The following IFNAR1 variants were observed in gnomAD, a reference collection of about 807,000 sequenced individuals.
IFNAR1 encodes interferon alpha/beta receptor 1.
IFNAR1 carries 47 observed loss-of-function variants against 62.1 expected under a neutral mutation model. The observed-to-expected ratio is 0.76, with a 90% CI of 0.60 to 0.97. IFNAR1 has a LOEUF of 0.97. IFNAR1 is among the 50% of genes least tolerant of loss of function. The pLI, the probability that IFNAR1 is intolerant of heterozygous loss-of-function variation, is 0.00. For missense variants in IFNAR1, 638 were observed against 654.5 expected (o/e 0.97, Z 0.27); for synonymous variants, 219 against 226.9 (o/e 0.97, Z 0.31).
At chr21:33,354,728 G>A (rs1354481671) in intron 10 of IFNAR1, among the ~76,000 whole-genome samples, 1 of 152,098 alleles carries the variant, frequency 6.6e-6, no homozygotes, top group African/African-American at 2.4e-5. Context: ...AGGTAAGCAA[G>A]TACCCTTGGC....
At chr21:33,324,768 C>A (rs569978722), upstream of IFNAR1, 152 of 495,786 alleles carry the variant, frequency 3.1e-4, no homozygotes, top group South Asian at 4.0e-3. Flanking sequence ...AGGAGGCCTG[C>A]GATTTCTAAG....
In IFNAR1 at chr21:33,349,099, T is replaced by A; in HGVS notation, c.797T>A (p.Leu266Ter). The A allele has an allele frequency of 3.8e-6, 6 of 1,584,726 alleles. No homozygotes were observed. Among genetic ancestry groups the A allele is most frequent in the Non-Finnish European group, 5.1e-6 (6 of 1,167,208 alleles). The change falls in exon 7 of 11, where the codon TTA becomes TAA. Residue 266 changes from leucine to a stop codon, truncating the protein, a stop_gained. Coordinates refer to ENST00000270139, the MANE Select transcript of IFNAR1 (RefSeq NM_000629.3). LOFTEE classifies it high-confidence loss of function. ...TFQVQWLHAF[L>*]KRNPGNHLYK... ...AATATTTGTCTTAAAAGCGCCTTTT[T>A]AAAAAGGAATCCTGGAAACCATTTG...
Position 33,324,991 on chromosome 21 carries a change from A to G in IFNAR1, c.-65A>G. 2.8e-6 allele frequency: 4 copies of G among 1,448,338 alleles called. No individual in the cohort carries two copies. In the East Asian group the frequency reaches 9.9e-5, roughly 36 times the overall value. The allele number at this position is 1,448,338 out of a possible 1,614,324, so 89.7% of individuals were successfully genotyped here. The stretch of plus-strand genomic sequence containing the variant: ...GGGCGGTGTGACTTAGGACGGGGCG[A>G]TGGCGGCTGAGAGGAGCTGCGCGTG... On this transcript the variant is annotated 5_prime_UTR_variant, in exon 1 of 11. The change abolishes an upstream ATG in the 5' untranslated region. Coordinates refer to ENST00000270139, the MANE Select transcript of IFNAR1 (RefSeq NM_000629.3).
intron 2 of IFNAR1, among the ~76,000 whole-genome samples, chr21:33,335,863 A>G (rs2083228928): frequency 6.6e-6 from 1 of 151,726 alleles, no homozygotes; most frequent in African/African-American, 2.4e-5. Context: ...AGGGTGGTAG[A>G]CAGCGTCTCT....
intron 1 of IFNAR1, chr21:33,335,138 CTCTATCTA>C (rs1038612015): frequency 9.3e-5 from 60 of 647,258 alleles, no homozygotes; most frequent in Non-Finnish European, 1.6e-4. Context: ...CAAGAAGCAT[CTCTATCTA>C]TCTATGAACA....
rs1453366530 is a variant in IFNAR1 at position 33,345,233 on chromosome 21, C to A, written c.674-13C>A. The A allele has an allele frequency of 7.8e-6, 10 of 1,288,046 alleles. No individual in the cohort carries two copies. Among genetic ancestry groups the A allele is most frequent in the Non-Finnish European group, 1.0e-5 (9 of 889,582 alleles). 79.8% of individuals were successfully genotyped at this position (1,288,046 alleles called of 1,614,324 possible). On this transcript the variant is annotated splice_polypyrimidine_tract_variant and intron_variant, in intron 5 of 10. Transcript: ENST00000270139. ...AAATGTGTGCTTTTTTTTATCTGTT[C>A]TTTGGCTTCTAGTTGAAAATGAACT...
rs1461106864 is a variant in IFNAR1 at position 33,335,779 on chromosome 21, A to C, written c.200+132A>C. 8 of 727,604 alleles carry C rather than the reference A, an allele frequency of 1.1e-5. No homozygotes were observed. In the East Asian group the frequency reaches 2.5e-4, roughly 23 times the overall value. 45.1% of individuals were successfully genotyped at this position (727,604 alleles called of 1,614,324 possible). A position where few individuals can be genotyped will look rare whatever the true frequency, so the allele number is the denominator to read the frequency against. On this transcript the variant is annotated intron_variant, in intron 2 of 10. Coordinates refer to ENST00000270139, the MANE Select transcript of IFNAR1 (RefSeq NM_000629.3). ...TAGAAATGTTACGCCTATTTTACATAATATTTTTAACTTTGTTTCTGTAGA... is the reference window on the plus strand; with the variant it reads ...TAGAAATGTTACGCCTATTTTACATCATATTTTTAACTTTGTTTCTGTAGA...
chr21:33,326,675 A>G (rs1212599712), intron 1 of IFNAR1, among the ~76,000 whole-genome samples: 1 of 152,170 alleles, frequency 6.6e-6, no homozygotes, highest in Non-Finnish European at 1.5e-5. Flanking sequence ...GATTTGGCTG[A>G]AGCATAATGC....
intron 1 of IFNAR1, among the ~76,000 whole-genome samples, chr21:33,333,768 C>T (rs1011251489): frequency 7.2e-4 from 110 of 151,794 alleles, no homozygotes; most frequent in African/African-American, 2.6e-3. Flanking sequence ...GGACTACAGG[C>T]GCCCGCTACC....
chr21:33,344,161 GA>G (rs576952200), intron 5 of IFNAR1, among the ~76,000 whole-genome samples: 35,283 of 146,272 alleles, frequency 0.24, 4,360 homozygotes, highest in Non-Finnish European at 0.27. Flanking sequence ...CTCCGTCTTA[GA>G]AAAAAAAAAA....
chr21:33,324,806 A>G, upstream of IFNAR1: 1 of 529,106 alleles, frequency 1.9e-6, no homozygotes, highest in Non-Finnish European at 3.4e-6. Context: ...TGCTGCAATT[A>G]GGATGGGGCA....
chr21:33,355,495 T>C lies in IFNAR1; in HGVS notation c.1620T>C (p.Asn540=). ...GCCAAGATTCAGGAAATTATTCTAA[T>C]GAAGATGAAAGCGAAAGTAAAACAA... The part of the protein sequence containing the change: ...QTSQDSGNYS[N]EDESESKTSE... Residue 540 remains asparagine, a synonymous_variant, in exon 11 of 11, where the codon AAT becomes AAC. Coordinates refer to ENST00000270139, the MANE Select transcript of IFNAR1 (RefSeq NM_000629.3). 1 of 1,605,494 alleles carries C rather than the reference T, an allele frequency of 6.2e-7. No individual in the cohort carries two copies. The highest frequency in any genetic ancestry group is 1.1e-5 in the South Asian group (1 of 88,938).
intron 1 of IFNAR1, chr21:33,334,926 G>T (rs887275653): frequency 2.0e-5 from 32 of 1,574,072 alleles, no homozygotes; most frequent in African/African-American, 5.4e-5. Flanking sequence ...TGGGAGATGG[G>T]GCAGGGGGTA....
intron 1 of IFNAR1, among the ~76,000 whole-genome samples, chr21:33,325,758 G>C (rs993480347): frequency 1.3e-5 from 2 of 152,176 alleles, no homozygotes; most frequent in Admixed American, 1.3e-4. Context: ...TGAGAATTTA[G>C]TTAGTGCCCA....
In IFNAR1 at chr21:33,356,873, A is replaced by G. The variant is rs1229106627; in HGVS notation, c.*1324A>G. 2.6e-5 allele frequency: 4 copies of G among 152,128 alleles called. No individual in the cohort carries two copies. Among genetic ancestry groups the G allele is most frequent in the Non-Finnish European group, 4.4e-5 (3 of 68,012 alleles). The allele number at this position is 152,128 out of a possible 1,614,324, so 9.4% of individuals were successfully genotyped here. On this transcript the variant is annotated 3_prime_UTR_variant, in exon 11 of 11. Transcript: ENST00000270139. ...GCACCTAATCAGCTCTCAGTGATCA[A>G]CCCACTCTTGTTATGGGTGGTCTCT...
chr21:33,335,936 A>G (rs1042978070), intron 2 of IFNAR1, among the ~76,000 whole-genome samples: 8 of 114,758 alleles, frequency 7.0e-5, no homozygotes, highest in Non-Finnish European at 1.5e-4. Flanking sequence ...TTTTTTAATT[A>G]TTATACTTTA....
chr21:33,334,932 G>C, intron 1 of IFNAR1: 1 of 1,574,306 alleles, frequency 6.4e-7, no homozygotes, highest in South Asian at 1.1e-5. Flanking sequence ...ATGGGGCAGG[G>C]GGTACCACAT....
rs749695070 is a variant in IFNAR1, at chr21:33,335,537, A to G, written c.90A>G (p.Leu30=). ...VLSAAAGGKN[L]KSPQKVEVDI... is the part of the protein sequence containing the mutation. ...TTGCTTTTATAGGTGGAAAAAATCT[A>G]AAATCTCCTCAAAAAGTAGAGGTCG... Residue 30 remains leucine (L), a synonymous_variant, in exon 2 of 11, where the codon CTA becomes CTG. Coordinates refer to ENST00000270139, the MANE Select transcript of IFNAR1 (RefSeq NM_000629.3). The G allele has an allele frequency of 6.3e-7, 1 of 1,593,330 alleles. No homozygotes were observed. The highest frequency in any genetic ancestry group is 8.6e-7 in the Non-Finnish European group (1 of 1,165,752).
At chr21:33,354,711 T>G (rs2083431447) in intron 10 of IFNAR1, among the ~76,000 whole-genome samples, 1 of 152,106 alleles carries the variant, frequency 6.6e-6, no homozygotes, top group South Asian at 2.1e-4. Flanking sequence ...AGCAAGTCAC[T>G]AAGGGCAGGT....
Sources: gnomAD v4.1 joint callset for allele counts (sites outside exome capture counted in the v4.1 genomes callset) on GRCh38, gnomAD v4.1.1 for gene constraint, MANE v1.5 for transcripts, NCBI Gene and HGNC (gene_info 2026-07-23, HGNC 2026-07-21) for gene names.